PLCB1: variants seen among roughly 807,000 people sequenced by gnomAD.
PLCB1 encodes the protein 1-phosphatidylinositol 4,5-bisphosphate phosphodiesterase beta-1.
A neutral mutation model predicts 161.8 loss-of-function variants in PLCB1; 46 were observed. That is an observed-to-expected ratio of 0.28 (90% CI 0.22 to 0.36). PLCB1 has a LOEUF of 0.36. Ranked by LOEUF, PLCB1 falls within the 10% of genes least tolerant of loss-of-function variation. The probability of loss-of-function intolerance (pLI) is 1.00; values close to 1 mark genes in which losing one functional copy is unlikely to be tolerated. For missense variants in PLCB1, 1,016 were observed against 1,472.5 expected (o/e 0.69, Z 5.07); for synonymous variants, 517 against 503.7 (o/e 1.03, Z -0.35).
At chr20:8,712,897 C>T (rs1979096563) in intron 12 of PLCB1, among the ~76,000 whole-genome samples, 1 of 152,180 alleles carries the variant, frequency 6.6e-6, no homozygotes, top group Non-Finnish European at 1.5e-5. Context: ...ACTTTGTCCC[C>T]ATGGTAGCTG....
intron 3 of PLCB1, among the ~76,000 whole-genome samples, chr20:8,571,930 T>C (rs1038791418): frequency 6.6e-6 from 1 of 152,170 alleles, no homozygotes; most frequent in African/African-American, 2.4e-5. Context: ...GAAGTGCCAA[T>C]AAAGATACTA....
At chr20:8,633,123 C>A (rs907476254) in intron 4 of PLCB1, among the ~76,000 whole-genome samples, 2 of 150,538 alleles carry the variant, frequency 1.3e-5, no homozygotes, top group African/African-American at 5.0e-5. Flanking sequence ...CACACACACA[C>A]ACACACACAC....
At chr20:8,383,439 A>C (rs1987325799) in intron 3 of PLCB1, among the ~76,000 whole-genome samples, 1 of 152,020 alleles carries the variant, frequency 6.6e-6, no homozygotes, top group Admixed American at 6.6e-5. Flanking sequence ...TTTGCATGTG[A>C]GATGGGTCTC....
intron 3 of PLCB1, among the ~76,000 whole-genome samples, chr20:8,406,759 G>C (rs1600379874): frequency 1.3e-5 from 2 of 152,158 alleles, no homozygotes; most frequent in East Asian, 3.9e-4. Flanking sequence ...CAGTATTACA[G>C]TAAATTCCCA....
At chr20:8,805,425 A>T (rs1469265612) in intron 31 of PLCB1, among the ~76,000 whole-genome samples, 2 of 152,264 alleles carry the variant, frequency 1.3e-5, no homozygotes, top group African/African-American at 2.4e-5. Flanking sequence ...AGTAATTATT[A>T]ATGCCTGCTT....
At position 8,729,194 on chromosome 20, in the gene PLCB1, C is replaced by T. The variant is rs1980097852; in HGVS notation, c.1888+20C>T. The T allele has an allele frequency of 6.3e-7, 1 of 1,582,828 alleles. No homozygotes were observed. The highest frequency in any genetic ancestry group is 8.6e-7 in the Non-Finnish European group (1 of 1,163,828). ...CAATGGGTAAGTACATGCTTGTTCC[C>T]ATTCTGCTATGAACTCACATTGCCA... On this transcript the variant is annotated intron_variant, in intron 18 of 31. Transcript: ENST00000338037.
chr20:8,179,817 T>C (rs1009248629), intron 2 of PLCB1, among the ~76,000 whole-genome samples: 2 of 151,246 alleles, frequency 1.3e-5, no homozygotes, highest in Admixed American at 1.3e-4. Flanking sequence ...TTTTGAGATA[T>C]GTGCCTTCAA....
chr20:8,776,434 C>T (rs567025188), intron 27 of PLCB1, among the ~76,000 whole-genome samples: 1 of 152,272 alleles, frequency 6.6e-6, no homozygotes, highest in South Asian at 2.1e-4. Flanking sequence ...AAGGGAGTTG[C>T]TCTGGTGTCC....
At chr20:8,505,899 A>C (rs1983618875) in intron 3 of PLCB1, among the ~76,000 whole-genome samples, 1 of 152,164 alleles carries the variant, frequency 6.6e-6, no homozygotes, top group Admixed American at 6.5e-5. Context: ...TTATTGGAGG[A>C]ATCTATCAAA....
At chr20:8,801,595 T>C (rs1230759164) in intron 31 of PLCB1, among the ~76,000 whole-genome samples, 1 of 152,200 alleles carries the variant, frequency 6.6e-6, no homozygotes, top group Non-Finnish European at 1.5e-5. Context: ...GCATGATGTA[T>C]GTAGAGGGCT....
intron 2 of PLCB1, among the ~76,000 whole-genome samples, chr20:8,174,141 C>T (rs907865914): frequency 4.6e-5 from 7 of 151,990 alleles, no homozygotes; most frequent in Admixed American, 2.0e-4. Context: ...AGAATCTGAG[C>T]GCACCTCAAA....
chr20:8,263,178 CA>C (rs11480842), intron 2 of PLCB1, among the ~76,000 whole-genome samples: 7,521 of 150,958 alleles, frequency 0.05, 617 homozygotes, highest in African/African-American at 0.17. Context: ...TCTATAGTAC[CA>C]AAAAAAAATT....
At chr20:8,179,160 T>C (rs1388894426) in intron 2 of PLCB1, among the ~76,000 whole-genome samples, 3 of 152,228 alleles carry the variant, frequency 2.0e-5, no homozygotes, top group Non-Finnish European at 4.4e-5. Flanking sequence ...TTTTTTCTAA[T>C]TCTCTGAAGA....
chr20:8,311,688 T>G (rs995399154), intron 2 of PLCB1, among the ~76,000 whole-genome samples: 14 of 152,164 alleles, frequency 9.2e-5, no homozygotes, highest in African/African-American at 3.1e-4. Flanking sequence ...CTATCATAAC[T>G]CCGGAGTGAT....
chr20:8,140,463 G>A (rs1414769982), intron 1 of PLCB1, among the ~76,000 whole-genome samples: 1 of 152,128 alleles, frequency 6.6e-6, no homozygotes, highest in East Asian at 1.9e-4. Flanking sequence ...TGAGTAAAAT[G>A]AAGTTTTGCT....
chr20:8,881,471 G>T (rs1987986162), intron 31 of PLCB1, 151 bp from the exon 32 acceptor site: 2 of 659,094 alleles, frequency 3.0e-6, no homozygotes, highest in East Asian at 2.6e-5. Flanking sequence ...ACTAAACTTT[G>T]TTACATCTCC....
chr20:8,246,813 G>A (rs551565166), intron 2 of PLCB1, among the ~76,000 whole-genome samples: 127 of 151,480 alleles, frequency 8.4e-4, no homozygotes, highest in African/African-American at 3.0e-3. Flanking sequence ...CTTTTCTCGG[G>A]GAATTTTTTT....
intron 3 of PLCB1, among the ~76,000 whole-genome samples, chr20:8,621,870 T>C (rs1049557582): frequency 1.3e-5 from 2 of 152,206 alleles, no homozygotes; most frequent in African/African-American, 4.8e-5. Context: ...GGAATAACAA[T>C]AGCTATTTCT....
chr20:8,475,346 G>A (rs1982231005), intron 3 of PLCB1, among the ~76,000 whole-genome samples: 1 of 152,152 alleles, frequency 6.6e-6, no homozygotes, highest in African/African-American at 2.4e-5. Flanking sequence ...AGCTACTCAG[G>A]AGGTTGAGGT....
Sources: gnomAD v4.1 joint callset for allele counts (sites outside exome capture counted in the v4.1 genomes callset) on GRCh38, gnomAD v4.1.1 for gene constraint, MANE v1.5 for transcripts, NCBI Gene and HGNC (gene_info 2026-07-23, HGNC 2026-07-21) for gene names.